Variants in CEP112 observed in about 807,000 individuals in gnomAD.
CEP112 encodes centrosomal protein of 112 kDa.
CEP112 carries 127 observed loss-of-function variants against 153.0 expected under a neutral mutation model. The observed-to-expected ratio is 0.83, with a 90% CI of 0.72 to 0.96. The LOEUF (loss-of-function observed/expected upper bound fraction) is 0.96. Ranked by LOEUF, CEP112 falls within the 40% of genes least tolerant of loss-of-function variation. The probability of loss-of-function intolerance (pLI) is 0.00; values close to 1 mark genes in which losing one functional copy is unlikely to be tolerated. For synonymous variants in CEP112, 358 were observed against 374.4 expected, an observed-to-expected ratio of 0.96 and a Z score of 0.51; for missense variants, 1,089 against 1,101.2, an observed-to-expected ratio of 0.99 and a Z score of 0.16.
chr17:66,096,249 A>C lies in CEP112; in HGVS notation c.768+2T>G, dbSNP rs750308024. 6.2e-7 allele frequency: 1 copy of C among 1,602,314 alleles called. No individual in the cohort carries two copies. Among genetic ancestry groups the C allele is most frequent in the South Asian group, 1.1e-5 (1 of 90,272 alleles). On this transcript the variant is annotated splice_donor_variant, in intron 8 of 26. Transcript: ENST00000535342. LOFTEE classifies it high-confidence loss of function. ...GGTTTATCAGCAATATCTCATTCCTACCTCTTTCTCACGTATTCGAGAGAG... is the reference window on the plus strand; with the variant it reads ...GGTTTATCAGCAATATCTCATTCCTCCCTCTTTCTCACGTATTCGAGAGAG...
chr17:65,887,071 C>A (rs1428845341), intron 20 of CEP112, among the ~76,000 whole-genome samples: 1 of 151,910 alleles, frequency 6.6e-6, no homozygotes, highest in African/African-American at 2.4e-5. Context: ...ATGTTAACCA[C>A]AAGTCTCTAG....
At chr17:65,966,620 A>G (rs1298985633) in intron 17 of CEP112, among the ~76,000 whole-genome samples, 1 of 152,228 alleles carries the variant, frequency 6.6e-6, no homozygotes, top group Non-Finnish European at 1.5e-5. Flanking sequence ...ACAAGCGGCA[A>G]TATCACCTAT....
chr17:65,926,647 C>T (rs563498594), intron 19 of CEP112, among the ~76,000 whole-genome samples: 27 of 152,098 alleles, frequency 1.8e-4, no homozygotes, highest in East Asian at 1.5e-3. Flanking sequence ...CGAGAGGTGG[C>T]GGTTGCAGTG....
chr17:65,784,613 T>C (rs887474812), intron 21 of CEP112, among the ~76,000 whole-genome samples: 4 of 152,172 alleles, frequency 2.6e-5, no homozygotes, highest in Non-Finnish European at 4.4e-5. Context: ...CCTGAGTAGC[T>C]GGGACTATGG....
intron 21 of CEP112, among the ~76,000 whole-genome samples, chr17:65,765,342 G>T (rs7223496): frequency 6.6e-6 from 1 of 150,400 alleles, no homozygotes; most frequent in African/African-American, 2.5e-5. Flanking sequence ...GTTCTTTGGT[G>T]GTGTCATATT....
chr17:65,826,793 A>G (rs894706075), intron 21 of CEP112, among the ~76,000 whole-genome samples: 1 of 152,220 alleles, frequency 6.6e-6, no homozygotes, highest in African/African-American at 2.4e-5. Flanking sequence ...TATTTTTTCC[A>G]TGTTTTCCTG....
intron 17 of CEP112, among the ~76,000 whole-genome samples, chr17:66,004,295 C>T (rs1430006012): frequency 6.6e-6 from 1 of 151,978 alleles, no homozygotes; most frequent in African/African-American, 2.4e-5. Context: ...GCCTGACCAA[C>T]ATAGTGAAAC....
At chr17:65,785,422 C>T (rs2054228259) in intron 21 of CEP112, among the ~76,000 whole-genome samples, 1 of 152,230 alleles carries the variant, frequency 6.6e-6, no homozygotes. Flanking sequence ...CACCATTTTA[C>T]AATCTCACCA....
intron 4 of CEP112, among the ~76,000 whole-genome samples, chr17:66,140,406 T>C (rs563116004): frequency 6.6e-6 from 1 of 152,248 alleles, no homozygotes; most frequent in South Asian, 2.1e-4. Flanking sequence ...TATTAAATAG[T>C]ACAGCAGTCC....
chr17:65,970,519 T>C (rs1183024803), intron 17 of CEP112, among the ~76,000 whole-genome samples: 1 of 151,800 alleles, frequency 6.6e-6, no homozygotes, highest in East Asian at 1.9e-4. Context: ...GCATGCATAT[T>C]AAATACATGT....
chr17:65,812,120 C>T (rs957480151), intron 21 of CEP112, among the ~76,000 whole-genome samples: 2 of 152,098 alleles, frequency 1.3e-5, no homozygotes, highest in Non-Finnish European at 2.9e-5. Flanking sequence ...TCTCCTGCCT[C>T]AGCCTCCTGA....
At chr17:65,795,104 C>T (rs1326872701) in intron 21 of CEP112, among the ~76,000 whole-genome samples, 1 of 152,164 alleles carries the variant, frequency 6.6e-6, no homozygotes, top group Non-Finnish European at 1.5e-5. Flanking sequence ...GATTGTCATC[C>T]TTATTTTATA....
At chr17:65,810,102 G>A (rs983776041) in intron 21 of CEP112, among the ~76,000 whole-genome samples, 5 of 152,182 alleles carry the variant, frequency 3.3e-5, no homozygotes, top group African/African-American at 9.7e-5. Context: ...TTGAAGTGGC[G>A]AAGAGCCTCA....
rs1598189455 is a variant in CEP112 at position 65,649,069 on chromosome 17, AACAAACACACACACACACACAC to A, written c.2698-8026_2698-8005del. The stretch of plus-strand genomic sequence containing the variant: ...CTGTCTCAAAACAAACAAACAAACA[AACAAACACACACACACACACAC>A]ACACACACACACACACACACACACA... On this transcript the variant is annotated intron_variant, in intron 24 of 26. Coordinates refer to ENST00000535342, the MANE Select transcript of CEP112 (RefSeq NM_001199165.4). 7.2e-5 allele frequency among the ~76,000 whole-genome samples: 3 copies of A among 41,796 alleles called. No individual in the cohort carries two copies. The East Asian group carries it at 9.2e-3, about 128-fold the overall frequency. 27.4% of individuals were successfully genotyped at this position (41,796 alleles called of 152,430 possible). A position where few individuals can be genotyped will look rare whatever the true frequency, so the allele number is the denominator to read the frequency against.
intron 23 of CEP112, among the ~76,000 whole-genome samples, chr17:65,719,958 C>T (rs796123464): frequency 7.9e-5 from 12 of 152,198 alleles, no homozygotes; most frequent in African/African-American, 2.9e-4. Context: ...GGGGCGGGAG[C>T]CTGTTCAGAA....
chr17:65,671,720 C>T (rs8076341), intron 24 of CEP112, among the ~76,000 whole-genome samples: 2,586 of 152,160 alleles, frequency 0.017, 78 homozygotes, highest in African/African-American at 0.059. Flanking sequence ...TACTATAATA[C>T]ATTCACTGCC....
At chr17:65,661,843 G>A (rs2046400234) in intron 24 of CEP112, 1 of 152,058 alleles carries the variant, frequency 6.6e-6, no homozygotes. Context: ...AGAAACGGCA[G>A]CCAGTTAGTA....
chr17:66,135,138 C>A (rs1782482238), intron 4 of CEP112, among the ~76,000 whole-genome samples: 1 of 152,176 alleles, frequency 6.6e-6, no homozygotes, highest in Admixed American at 6.5e-5. Flanking sequence ...ACTAAACTTA[C>A]TATGTTACCC....
chr17:65,828,290 G>A (rs2056927184), intron 21 of CEP112, among the ~76,000 whole-genome samples: 1 of 152,178 alleles, frequency 6.6e-6, no homozygotes, highest in South Asian at 2.1e-4. Context: ...TGCTTCCCCA[G>A]GTGTGCCCCT....
Sources: allele counts gnomAD v4.1 joint callset (sites outside exome capture counted in the v4.1 genomes callset), GRCh38; gene constraint gnomAD v4.1.1; transcripts MANE v1.5; gene names NCBI Gene and HGNC (gene_info 2026-07-23, HGNC 2026-07-21).